Variants in ZFAND2A observed in about 807,000 individuals in gnomAD.
ZFAND2A encodes AN1-type zinc finger protein 2A.
In ZFAND2A, 20 loss-of-function variants were observed where a neutral mutation model predicts 11.6. The observed-to-expected ratio is 1.72, with a 90% confidence interval of 1.21 to 2.50. ZFAND2A has a LOEUF of 2.50. ZFAND2A is among the 30% of genes most tolerant of loss of function. The pLI is 0.00. For missense variants in ZFAND2A, 234 were observed against 182.9 expected (o/e 1.28, Z -1.61); for synonymous variants, 93 against 60.6 (o/e 1.54, Z -2.48).
chr7:1,158,538 G>A (rs561407325), intron 1 of ZFAND2A, among the ~76,000 whole-genome samples: 1 of 152,306 alleles, frequency 6.6e-6, no homozygotes, highest in Admixed American at 6.5e-5. Context: ...TCACACAGCT[G>A]CCAGTGATGA....
intron 3 of ZFAND2A, 80 bp from the exon 4 acceptor site, chr7:1,155,664 C>A (rs549218709): frequency 3.7e-4 from 568 of 1,534,690 alleles, no homozygotes; most frequent in Non-Finnish European, 4.7e-4. Context: ...TACTCCTGTG[C>A]GGCACACTTA....
downstream of ZFAND2A, chr7:1,152,230 T>C (rs755244634): frequency 9.9e-5 from 154 of 1,556,846 alleles, no homozygotes; most frequent in East Asian, 1.4e-4. Context: ...ACAGACGAAA[T>C]TGCGTTCACA....
downstream of ZFAND2A, among the ~76,000 whole-genome samples, chr7:1,150,811 G>A (rs972406204): frequency 1.1e-4 from 17 of 151,680 alleles, no homozygotes; most frequent in Non-Finnish European, 1.6e-4. Context: ...GTGGCATTTT[G>A]CAACTTTCTT....
intron 4 of ZFAND2A, among the ~76,000 whole-genome samples, chr7:1,154,859 C>T (rs1217098272): frequency 6.6e-6 from 1 of 152,156 alleles, no homozygotes; most frequent in African/African-American, 2.4e-5. Context: ...GTGGCTCACA[C>T]CTATAATCTC....
At chr7:1,155,344 C>T (rs929924016) in intron 4 of ZFAND2A, 109 bp downstream of exon 4, 4 of 1,477,528 alleles carry the variant, frequency 2.7e-6, no homozygotes, top group Non-Finnish European at 3.6e-6. Context: ...CTCTTCTTTT[C>T]TACTTTGTAC....
At chr7:1,155,123 AAAAC>A (rs373785657) in intron 4 of ZFAND2A, among the ~76,000 whole-genome samples, 110 of 152,224 alleles carry the variant, frequency 7.2e-4, no homozygotes, top group East Asian at 1.3e-3. Context: ...AGACTGTCTC[AAAAC>A]AAACAAACAA....
intron 4 of ZFAND2A, among the ~76,000 whole-genome samples, chr7:1,154,962 A>G (rs1793486846): frequency 6.6e-6 from 1 of 152,150 alleles, no homozygotes; most frequent in Admixed American, 6.5e-5. Flanking sequence ...TACTAAAAAT[A>G]CAAAAGTTAG....
intron 4 of ZFAND2A, among the ~76,000 whole-genome samples, 158 bp downstream of exon 4, chr7:1,155,295 C>T (rs1025333776): frequency 1.3e-5 from 2 of 152,096 alleles, no homozygotes; most frequent in African/African-American, 4.8e-5. Flanking sequence ...AAAACTCAGG[C>T]CCCTCGCAGT....
chr7:1,155,301 G>T, intron 4 of ZFAND2A, 152 bp downstream of exon 4: 2 of 1,060,294 alleles, frequency 1.9e-6, no homozygotes, highest in Non-Finnish European at 2.5e-6. Context: ...CAGGCCCCTC[G>T]CAGTTTAGGA....
In ZFAND2A at chr7:1,153,089, G is replaced by A. The variant is rs149142759; in HGVS notation, c.418C>T (p.Pro140Ser). 300 of 1,614,142 alleles carry A rather than the reference G, an allele frequency of 1.9e-4. No homozygotes were observed. The highest frequency in any genetic ancestry group is 3.2e-4 in the Admixed American group (19 of 60,020). ...TCTTCTCACCCAGCTTTGATGGTGGGGCGACTCCCGTGTCTGCAGCTGTGG... is the reference window on the plus strand; with the variant it reads ...TCTTCTCACCCAGCTTTGATGGTGGAGCGACTCCCGTGTCTGCAGCTGTGG... ...LDHSCRHGSR[P>S]TIKAG The change falls in exon 5 of 5, where the codon CCC (proline) becomes TCC (serine). Residue 140 changes from proline to serine, a missense_variant. Pro to Ser is a moderately conservative substitution (Grantham distance 74, BLOSUM62 -1). Coordinates refer to ENST00000316495, the MANE Select transcript of ZFAND2A (RefSeq NM_182491.4).
At chr7:1,152,389 C>T (rs763363663), downstream of ZFAND2A, 51 of 1,482,178 alleles carry the variant, frequency 3.4e-5, no homozygotes, top group Admixed American at 1.1e-4. Context: ...ATGTGCTGAC[C>T]GCAAGAACCC....
At chr7:1,152,663 G>A (rs999528291), downstream of ZFAND2A, among the ~76,000 whole-genome samples, 2 of 152,104 alleles carry the variant, frequency 1.3e-5, no homozygotes, top group South Asian at 2.1e-4. Flanking sequence ...AGGGGAAGTC[G>A]GGACACACAC....
chr7:1,153,258 T>C (rs1563159611), intron 4 of ZFAND2A, 34 bp from the exon 5 acceptor site: 1 of 1,599,586 alleles, frequency 6.3e-7, no homozygotes. Flanking sequence ...CAAGCAATTC[T>C]TTTTTTGGAG....
chr7:1,152,858 G>T, downstream of ZFAND2A: 1 of 784,376 alleles, frequency 1.3e-6, no homozygotes, highest in Non-Finnish European at 2.1e-6. Flanking sequence ...GAGCCACCCA[G>T]TTTTTAGTAC....
downstream of ZFAND2A, chr7:1,152,436 T>G (rs1044650545): frequency 1.3e-5 from 18 of 1,416,910 alleles, no homozygotes; most frequent in African/African-American, 8.6e-5. Flanking sequence ...ACCACTGGCC[T>G]GGCCCAGGGA....
In ZFAND2A at chr7:1,155,509, C is replaced by G; in HGVS notation, c.226G>C (p.Val76Leu). ...CAGTCTCTGTCAATGTGATCACCAA[C>G]CACCACGTCTGGTATCTGGCCCTTT... ...VKKGQIPDVVVGDHIDRDCDS... is the reference protein window; with the variant it reads ...VKKGQIPDVVLGDHIDRDCDS... The change falls in exon 4 of 5, where the codon GTT becomes CTT. Residue 76 changes from valine (V) to leucine (L), a missense_variant. Val to Leu is a conservative substitution (Grantham distance 32). Transcript: ENST00000316495. 4 of 1,613,992 alleles carry G rather than the reference C, an allele frequency of 2.5e-6. No homozygotes were observed. Among genetic ancestry groups the G allele is most frequent in the Non-Finnish European group, 8.5e-7 (1 of 1,179,932 alleles).
downstream of ZFAND2A, chr7:1,152,339 G>A (rs1474602121): frequency 6.4e-7 from 1 of 1,570,560 alleles, no homozygotes; most frequent in Non-Finnish European, 8.6e-7. Flanking sequence ...TGTCATGGGT[G>A]AGCACCTACA....
In ZFAND2A at chr7:1,158,270, C is replaced by G. The variant is rs571468384; in HGVS notation, c.-45-13G>C. 1 of 1,530,850 alleles carries G rather than the reference C, an allele frequency of 6.5e-7. No individual in the cohort carries two copies. The allele number at this position is 1,530,850 out of a possible 1,614,324, so 94.8% of individuals were successfully genotyped here. A position where few individuals can be genotyped will look rare whatever the true frequency, so the allele number is the denominator to read the frequency against. On this transcript the variant is annotated splice_polypyrimidine_tract_variant and intron_variant, in intron 1 of 4. Coordinates refer to ENST00000316495, the MANE Select transcript of ZFAND2A (RefSeq NM_182491.4). Reference sequence around the variant, plus strand: ...AGTTAAGTGTCACCTACAAGAGAATCAGAATAGTTAGGAGGAAAGCTGGAC... The same window carrying G: ...AGTTAAGTGTCACCTACAAGAGAATGAGAATAGTTAGGAGGAAAGCTGGAC...
rs1793642271 is a variant in ZFAND2A at position 1,159,861 on chromosome 7, C to CAGCA, written c.-46+99_-46+102dup. Reference sequence around the variant, plus strand: ...GACCTCCAGCAAGCAGCCGGACTTTCAGCAGCCGCACTCCTAGCAGACAGG... The same window carrying CAGCA: ...GACCTCCAGCAAGCAGCCGGACTTTCAGCAAGCAGCCGCACTCCTAGCAGACAGG... On this transcript the variant is annotated intron_variant, in intron 1 of 4. Transcript: ENST00000316495. 3 of 45,550 alleles carry CAGCA rather than the reference C, an allele frequency of 6.6e-5. 1 individual carries two copies. The highest frequency in any genetic ancestry group is 4.6e-4 in the South Asian group (2 of 4,328). The allele number at this position is 45,550 out of a possible 1,614,324, so 2.8% of individuals were successfully genotyped here.
Sources: allele counts gnomAD v4.1 joint callset (sites outside exome capture counted in the v4.1 genomes callset), GRCh38; gene constraint gnomAD v4.1.1; transcripts MANE v1.5; gene names NCBI Gene and HGNC (gene_info 2026-07-23, HGNC 2026-07-21).